KIAA1217: variants seen among roughly 807,000 people sequenced by gnomAD.
KIAA1217 encodes the protein KIAA1217.
In KIAA1217, 88 loss-of-function variants were observed where a neutral mutation model predicts 163.9. That is an observed-to-expected ratio of 0.54 (90% CI 0.45 to 0.64). The LOEUF is 0.64. Ranked by LOEUF, KIAA1217 falls within the 30% of genes least tolerant of loss-of-function variation. The pLI is 0.00. For missense variants in KIAA1217, 2,372 were observed against 2,475.0 expected (o/e 0.96, Z 0.88); for synonymous variants, 903 against 923.1 (o/e 0.98, Z 0.39).
At chr10:23,973,283 G>A (rs1215891251) in intron 1 of KIAA1217, among the ~76,000 whole-genome samples, 1 of 152,160 alleles carries the variant, frequency 6.6e-6, no homozygotes, top group Non-Finnish European at 1.5e-5. Context: ...TTAGCCTATC[G>A]TTATAATCGT....
At chr10:23,851,301 A>T (rs1839306461) in intron 1 of KIAA1217, among the ~76,000 whole-genome samples, 1 of 152,120 alleles carries the variant, frequency 6.6e-6, no homozygotes, top group Admixed American at 6.6e-5. Context: ...ACTGAGAATG[A>T]TGATTTCCAA....
At chr10:23,748,790 A>C (rs756973716) in intron 1 of KIAA1217, among the ~76,000 whole-genome samples, 1 of 152,074 alleles carries the variant, frequency 6.6e-6, no homozygotes, top group Admixed American at 6.5e-5. Context: ...CCACTACCCC[A>C]TCACTGTCAG....
chr10:24,159,611 C>CA lies in KIAA1217; in HGVS notation c.-170-60003dup, dbSNP rs11307905. Among the ~76,000 whole-genome samples, 52 of 147,700 alleles carry CA rather than the reference C, an allele frequency of 3.5e-4. No individual in the cohort carries two copies. In the South Asian group the frequency reaches 6.9e-3, roughly 20 times the overall value. ...TGGCTAACACGGTGAAACCCCGTCT[C>CA]AAAAAAAAAAAATGCAAAAAAATTA... On this transcript the variant is annotated intron_variant, in intron 2 of 18. Coordinates refer to the KIAA1217 transcript ENST00000376462.
chr10:23,912,263 C>T (rs1842464468), intron 1 of KIAA1217, among the ~76,000 whole-genome samples: 1 of 151,986 alleles, frequency 6.6e-6, no homozygotes, highest in Admixed American at 6.6e-5. Context: ...TAATATAGTC[C>T]ATTAAAAGTC....
intron 2 of KIAA1217, among the ~76,000 whole-genome samples, chr10:24,307,731 G>C (rs905622603): frequency 6.6e-6 from 1 of 152,110 alleles, no homozygotes; most frequent in Non-Finnish European, 1.5e-5. Flanking sequence ...ACATTGAGCC[G>C]TGATTGTGCT....
intron 6 of KIAA1217, among the ~76,000 whole-genome samples, chr10:24,485,309 G>A (rs1017854357): frequency 6.6e-5 from 10 of 152,100 alleles, no homozygotes; most frequent in Non-Finnish European, 1.0e-4. Context: ...GTAAGGGTTC[G>A]TTCAGCCTTT....
intron 1 of KIAA1217, among the ~76,000 whole-genome samples, chr10:23,714,655 C>T (rs1837461130): frequency 6.6e-6 from 1 of 152,124 alleles, no homozygotes; most frequent in South Asian, 2.1e-4. Context: ...CCTGCTCTCC[C>T]TTTGTGACTG....
rs368795280 is a variant in KIAA1217, at chr10:24,168,727, G to A, written c.-170-50899G>A. Among the ~76,000 whole-genome samples the A allele has an allele frequency of 5.1e-4, 78 of 152,320 alleles. 2 individuals are homozygous for A. Among genetic ancestry groups the A allele is most frequent in the African/African-American group, 1.8e-3 (73 of 41,562 alleles). On this transcript the variant is annotated intron_variant, in intron 2 of 18. Transcript: ENST00000376462. ...TCCTCTGTTCACTGAAGCCAGCCTC[G>A]GTTCTCTCCGGCCACTGTCTGACAT... is the stretch of plus-strand genomic sequence containing the variant.
chr10:24,203,979 C>T (rs548515867), upstream of KIAA1217, among the ~76,000 whole-genome samples: 2 of 152,328 alleles, frequency 1.3e-5, no homozygotes, highest in African/African-American at 4.8e-5. Flanking sequence ...CTTTGCTGCC[C>T]AGCATCTATC....
At chr10:24,263,962 A>T (rs1477591336) in intron 2 of KIAA1217, among the ~76,000 whole-genome samples, 6 of 152,026 alleles carry the variant, frequency 3.9e-5, no homozygotes, top group Non-Finnish European at 5.9e-5. Flanking sequence ...GGTTCAAGTG[A>T]TTCCCCTGCC....
chr10:24,438,592 G>C (rs999477588), intron 5 of KIAA1217, 113 bp downstream of exon 5: 3 of 700,666 alleles, frequency 4.3e-6, no homozygotes, highest in Non-Finnish European at 7.7e-6. Context: ...AGGGTTCTCC[G>C]CACTCATCTC....
chr10:23,964,266 T>C (rs1272260259), intron 1 of KIAA1217, among the ~76,000 whole-genome samples: 1 of 151,760 alleles, frequency 6.6e-6, no homozygotes, highest in Admixed American at 6.6e-5. Flanking sequence ...TGTCTGCTTA[T>C]GTCTTTTGCC....
chr10:23,727,982 C>G (rs1314206793), intron 1 of KIAA1217, among the ~76,000 whole-genome samples: 1 of 152,076 alleles, frequency 6.6e-6, no homozygotes, highest in Non-Finnish European at 1.5e-5. Context: ...TGAACTCATC[C>G]TTTTTTATGG....
chr10:23,810,738 T>C (rs1836977053), intron 1 of KIAA1217, among the ~76,000 whole-genome samples: 1 of 126,150 alleles, frequency 7.9e-6, no homozygotes, highest in Non-Finnish European at 1.6e-5. Context: ...TACTATATTA[T>C]ATATACTATA....
chr10:23,776,634 A>G (rs1446404368), intron 1 of KIAA1217, among the ~76,000 whole-genome samples: 1 of 150,114 alleles, frequency 6.7e-6, no homozygotes, highest in African/African-American at 2.5e-5. Flanking sequence ...GAAAAAATAC[A>G]TTGGAATTAC....
At chr10:24,288,425 A>G (rs1467145678) in intron 2 of KIAA1217, among the ~76,000 whole-genome samples, 1 of 152,204 alleles carries the variant, frequency 6.6e-6, no homozygotes, top group Non-Finnish European at 1.5e-5. Flanking sequence ...TCTGAATCCT[A>G]TTCTTGTTCA....
chr10:23,961,808 C>A (rs1376302933), intron 1 of KIAA1217, among the ~76,000 whole-genome samples: 1 of 152,102 alleles, frequency 6.6e-6, no homozygotes, highest in African/African-American at 2.4e-5. Flanking sequence ...TGGGCTGAAT[C>A]CTTCTGAGGG....
At chr10:24,405,258 G>C in intron 3 of KIAA1217, among the ~76,000 whole-genome samples, 1 of 152,020 alleles carries the variant, frequency 6.6e-6, no homozygotes, top group East Asian at 1.9e-4. Flanking sequence ...GAGTGCCTGC[G>C]ACCTCCCTGT....
chr10:24,002,849 T>C (rs1846814893), intron 1 of KIAA1217, among the ~76,000 whole-genome samples: 3 of 152,198 alleles, frequency 2.0e-5, no homozygotes, highest in Non-Finnish European at 4.4e-5. Context: ...ATCATTCTTA[T>C]GCCTTCGCAT....
Sources: allele counts gnomAD v4.1 joint callset (sites outside exome capture counted in the v4.1 genomes callset), GRCh38; gene constraint gnomAD v4.1.1; transcripts MANE v1.5; gene names NCBI Gene and HGNC (gene_info 2026-07-23, HGNC 2026-07-21).